Variants in SEZ6L2 observed in about 807,000 individuals in gnomAD.
SEZ6L2 encodes seizure 6-like protein 2.
In SEZ6L2, 44 loss-of-function variants were observed where a neutral mutation model predicts 97.0. That is an observed-to-expected ratio of 0.45 (90% CI 0.36 to 0.58). SEZ6L2 has a LOEUF of 0.58. SEZ6L2 is among the 20% of genes least tolerant of loss of function. The pLI is 0.00. For missense variants in SEZ6L2, 1,086 were observed against 1,233.3 expected, an observed-to-expected ratio of 0.88 and a Z score of 1.79; for synonymous variants, 543 against 546.1, an observed-to-expected ratio of 0.99 and a Z score of 0.08.
In SEZ6L2 at chr16:29,897,864, C is replaced by G; in HGVS notation, c.200G>C (p.Gly67Ala). 1 of 1,605,098 alleles carries G rather than the reference C, an allele frequency of 6.2e-7. No homozygotes were observed. The highest frequency in any genetic ancestry group is 8.5e-7 in the Non-Finnish European group (1 of 1,177,402). The change falls in exon 2 of 18, where the codon GGC becomes GCC. Residue 67 changes from glycine to alanine, a missense_variant. By Grantham distance (60) the Gly-to-Ala change is moderately conservative. Around this residue, in one of 2 missense-constraint regions of SEZ6L2, gnomAD observed 776 missense variants for 794.7 expected, o/e 0.98. Transcript: ENST00000617533. ...GALLRRGPEM[G>A]YLPGSDRDPT... Reference sequence around the variant, plus strand: ...TCTGGGGGCCTCACCTGGCAGGTAGCCCATCTCTGGGCCCCTCCTCAGCAG... The same window carrying G: ...TCTGGGGGCCTCACCTGGCAGGTAGGCCATCTCTGGGCCCCTCCTCAGCAG...
chr16:29,873,150 C>T lies in SEZ6L2; in HGVS notation c.2488+90G>A, dbSNP rs968999308. 55 of 1,436,918 alleles carry T rather than the reference C, an allele frequency of 3.8e-5. No individual in the cohort carries two copies. The highest frequency in any genetic ancestry group is 5.1e-5 in the Non-Finnish European group (54 of 1,052,782). 89.0% of individuals were successfully genotyped at this position (1,436,918 alleles called of 1,614,324 possible). ...GAGAACCGGGAGCTCTGTGGGGTCG[C>T]CCATTGGTCTCAAATGTGCTACCTG... On this transcript the variant is annotated intron_variant, in intron 14 of 17. Coordinates refer to ENST00000617533, the MANE Select transcript of SEZ6L2 (RefSeq NM_001243332.2). This position sits in a 1 kb window ranked among gnomAD's most constrained non-coding sequence, Gnocchi z 4.3.
At chr16:29,894,817 GC>G (rs1001940592) in intron 5 of SEZ6L2, among the ~76,000 whole-genome samples, 61 of 152,048 alleles carry the variant, frequency 4.0e-4, no homozygotes, top group African/African-American at 1.4e-3. Context: ...TGAGGGCCCT[GC>G]CCCCCAGGGT....
intron 5 of SEZ6L2, among the ~76,000 whole-genome samples, chr16:29,894,542 C>T (rs2068338473): frequency 6.6e-6 from 1 of 151,546 alleles, no homozygotes; most frequent in Admixed American, 6.6e-5. Flanking sequence ...TGGCTATGTG[C>T]TGCCCCCGCT....
At chr16:29,894,872 T>C (rs2068346433) in intron 5 of SEZ6L2, among the ~76,000 whole-genome samples, 1 of 152,010 alleles carries the variant, frequency 6.6e-6, no homozygotes, top group Admixed American at 6.6e-5. Context: ...TGTGCTTCGA[T>C]GGTTCTTAAA....
intron 9 of SEZ6L2, 57 bp from the exon 10 acceptor site, chr16:29,878,482 TCCACAGTCCTCA>T: frequency 6.6e-7 from 1 of 1,514,264 alleles, no homozygotes; most frequent in Non-Finnish European, 8.9e-7. Context: ...TCTTCATTTC[TCCACAGTCCTCA>T]CCACTCGTGA....
At position 29,876,469 on chromosome 16, in the gene SEZ6L2, G is replaced by C. The variant is rs1342485865; in HGVS notation, c.2104+287C>G. Reference sequence around the variant, plus strand: ...CGCAGAGGAGGGGTCAGGAGGGGACGGGGCGGGGCCGTGAGACGAGGAAAC... The same window carrying C: ...CGCAGAGGAGGGGTCAGGAGGGGACCGGGCGGGGCCGTGAGACGAGGAAAC... On this transcript the variant is annotated intron_variant, in intron 12 of 17. Transcript: ENST00000617533. The surrounding 1 kb of genome is among the most constrained non-coding windows in gnomAD (Gnocchi z 6.5). 6.6e-6 allele frequency among the ~76,000 whole-genome samples: 1 copy of C among 151,864 alleles called. No homozygotes were observed. Among genetic ancestry groups the C allele is most frequent in the Admixed American group, 6.6e-5 (1 of 15,240 alleles).
intron 6 of SEZ6L2, among the ~76,000 whole-genome samples, chr16:29,888,192 G>A (rs2068188689): frequency 6.6e-6 from 1 of 152,152 alleles, no homozygotes; most frequent in South Asian, 2.1e-4. Context: ...GGGAATCCCA[G>A]TAAGAGGCTC....
intron 12 of SEZ6L2, among the ~76,000 whole-genome samples, chr16:29,875,154 T>C (rs2067876364): frequency 6.6e-6 from 1 of 152,182 alleles, no homozygotes; most frequent in Non-Finnish European, 1.5e-5. Flanking sequence ...CAATTTCAGA[T>C]GTGAGCCACC....
intron 1 of SEZ6L2, 49 bp downstream of exon 1, chr16:29,898,892 C>G: frequency 2.0e-6 from 3 of 1,468,226 alleles, no homozygotes; most frequent in Non-Finnish European, 2.8e-6. Context: ...GGTGGAGGAC[C>G]CCGCTGGACG....
intron 5 of SEZ6L2, among the ~76,000 whole-genome samples, chr16:29,891,106 T>C (rs960044279): frequency 6.6e-6 from 1 of 151,918 alleles, no homozygotes; most frequent in African/African-American, 2.4e-5. Flanking sequence ...CATGCCCAGC[T>C]AATTTCTGTA....
rs2067784400 is a variant in SEZ6L2 at position 29,871,678 on chromosome 16, C to T, written c.*21G>A. ...GAGGAGGGGAGGGGCGTCCTGGGTC[C>T]TGCAGCTGTAGTCTTGGGGTTCAGA... is the stretch of plus-strand genomic sequence containing the variant. On this transcript the variant is annotated 3_prime_UTR_variant, in exon 18 of 18. Coordinates refer to ENST00000617533, the MANE Select transcript of SEZ6L2 (RefSeq NM_001243332.2). 1 of 1,606,058 alleles carries T rather than the reference C, an allele frequency of 6.2e-7. No homozygotes were observed. Among genetic ancestry groups the T allele is most frequent in the South Asian group, 1.1e-5 (1 of 89,574 alleles).
intron 16 of SEZ6L2, 37 bp from the exon 17 acceptor site, chr16:29,872,320 G>GT: frequency 6.3e-7 from 1 of 1,595,400 alleles, no homozygotes; most frequent in Non-Finnish European, 8.6e-7. Context: ...TTATCAACAG[G>GT]TAAGCCCCTG....
At chr16:29,892,990 G>A in intron 5 of SEZ6L2, among the ~76,000 whole-genome samples, 1 of 152,162 alleles carries the variant, frequency 6.6e-6, no homozygotes, top group East Asian at 1.9e-4. Flanking sequence ...GAAGTCAGAA[G>A]GATCTTTAAA....
chr16:29,888,774 C>T (rs765500990), intron 5 of SEZ6L2, 49 bp from the exon 6 acceptor site: 2 of 1,513,776 alleles, frequency 1.3e-6, no homozygotes, highest in South Asian at 1.2e-5. Flanking sequence ...CCATGCCACC[C>T]TCTCATACTG....
chr16:29,877,736 A>T (rs1027771516), intron 10 of SEZ6L2, among the ~76,000 whole-genome samples: 2 of 151,308 alleles, frequency 1.3e-5, no homozygotes, highest in Non-Finnish European at 2.9e-5. Flanking sequence ...CCCACTGTCC[A>T]CTCCCTCCTC....
chr16:29,887,863 G>A (rs1325260376), intron 6 of SEZ6L2, 46 bp from the exon 7 acceptor site: 2 of 1,598,296 alleles, frequency 1.3e-6, no homozygotes, highest in East Asian at 4.5e-5. Context: ...GAGGTGAACT[G>A]TCCTTCTCCT....
intron 8 of SEZ6L2, 40 bp downstream of exon 8, chr16:29,885,546 G>T: frequency 1.9e-6 from 3 of 1,593,454 alleles, no homozygotes; most frequent in South Asian, 2.2e-5. Context: ...AGAGGGGAAG[G>T]TGTGGCGGTT....
chr16:29,887,189 GAA>G (rs796793207), intron 7 of SEZ6L2, among the ~76,000 whole-genome samples: 8,070 of 82,032 alleles, frequency 0.098, 712 homozygotes, highest in African/African-American at 0.29. Context: ...CTCAAAAAAA[GAA>G]AAAAAAAAAA....
intron 5 of SEZ6L2, among the ~76,000 whole-genome samples, chr16:29,890,033 C>G (rs779394866): frequency 6.6e-6 from 1 of 152,152 alleles, no homozygotes; most frequent in Non-Finnish European, 1.5e-5. Flanking sequence ...CTCAGCCTCC[C>G]AAGTAGCTGG....
Sources: gnomAD v4.1 joint callset for allele counts (sites outside exome capture counted in the v4.1 genomes callset) on GRCh38, gnomAD v4.1.1 for gene constraint, gnomAD v4.1.1 regional missense constraint, Gnocchi (gnomAD v3.1) non-coding constraint, MANE v1.5 for transcripts, NCBI Gene and HGNC (gene_info 2026-07-23, HGNC 2026-07-21) for gene names.